The following CASK variants were observed in gnomAD, a reference collection of about 807,000 sequenced individuals.
CASK encodes peripheral plasma membrane protein CASK.
Under a neutral mutation model 82.9 loss-of-function variants are expected in CASK, and 4 were observed. That is an observed-to-expected ratio of 0.05 (90% CI 0.02 to 0.11). The LOEUF is 0.11. CASK is among the 10% of genes least tolerant of loss of function. The pLI, the probability that CASK is intolerant of heterozygous loss-of-function variation, is 1.00. For missense variants in CASK, 358 were observed against 720.9 expected (o/e 0.50, Z 5.76); for synonymous variants, 259 against 253.5 (o/e 1.02, Z -0.20).
chrX:41,642,089 G>A (rs1037893307), intron 8 of CASK, among the ~76,000 whole-genome samples: 5 of 110,796 alleles, frequency 4.5e-5, no homozygotes, highest in African/African-American at 1.6e-4. Context: ...CCTTTTTTAA[G>A]GTTGCATAGT....
intron 2 of CASK, among the ~76,000 whole-genome samples, chrX:41,792,927 T>G (rs1179737070): frequency 8.9e-6 from 1 of 111,783 alleles, no homozygotes. Context: ...CCACTCTAGA[T>G]AAGTTGACTT....
In CASK at chrX:41,917,115, C is replaced by T. The variant is rs187138962; in HGVS notation, c.59+5815G>A. 6.6e-3 allele frequency among the ~76,000 whole-genome samples: 737 copies of T among 112,252 alleles called. 3 individuals are homozygous for T. The highest frequency in any genetic ancestry group is 0.011 in the Non-Finnish European group (572 of 53,210). On this transcript the variant is annotated intron_variant, in intron 1 of 26. Coordinates refer to ENST00000378163, the MANE Select transcript of CASK (RefSeq NM_001367721.1). ...AGTATAGAAACTCTGAAAATGAAGACGTGTCTTTAAGAAAATCCAACACAG... is the reference window on the plus strand; with the variant it reads ...AGTATAGAAACTCTGAAAATGAAGATGTGTCTTTAAGAAAATCCAACACAG...
chrX:41,900,726 A>C (rs1199869603), intron 1 of CASK, among the ~76,000 whole-genome samples: 2 of 66,375 alleles, frequency 3.0e-5, no homozygotes, highest in African/African-American at 5.9e-5. Context: ...TGATTATTTG[A>C]TTATTTTGAA....
chrX:41,818,381 T>C (rs1455521022), intron 2 of CASK, among the ~76,000 whole-genome samples: 2 of 110,191 alleles, frequency 1.8e-5, no homozygotes, highest in African/African-American at 6.6e-5. Context: ...GGTGGGTGGA[T>C]TGTTTGAGCC....
At chrX:41,921,331 A>T (rs1403917508) in intron 1 of CASK, among the ~76,000 whole-genome samples, 3 of 112,091 alleles carry the variant, frequency 2.7e-5, no homozygotes, top group African/African-American at 9.7e-5. Context: ...TAAAATACAC[A>T]TTGGGATTTC....
intron 15 of CASK, among the ~76,000 whole-genome samples, chrX:41,571,751 T>C (rs1166159137): frequency 1.8e-5 from 2 of 112,144 alleles, no homozygotes; most frequent in African/African-American, 6.5e-5. Context: ...AAGTCATTGA[T>C]TTGAGATGTT....
intron 5 of CASK, among the ~76,000 whole-genome samples, chrX:41,704,861 C>T (rs1448606451): frequency 8.9e-6 from 1 of 111,954 alleles, no homozygotes; most frequent in East Asian, 2.8e-4. Flanking sequence ...ATTTCCTCTA[C>T]TAAGAAAACA....
intron 2 of CASK, among the ~76,000 whole-genome samples, chrX:41,835,179 G>A (rs1012273273): frequency 1.8e-5 from 2 of 112,296 alleles, no homozygotes; most frequent in African/African-American, 6.5e-5. Context: ...TTTTTAACTT[G>A]TGAAACACAA....
At chrX:41,866,959 CCTCA>C (rs1236097418) in intron 1 of CASK, among the ~76,000 whole-genome samples, 120 of 111,489 alleles carry the variant, frequency 1.1e-3, no homozygotes, top group African/African-American at 2.7e-3. Flanking sequence ...ACATATACAT[CCTCA>C]CTCACTCACT....
intron 10 of CASK, among the ~76,000 whole-genome samples, chrX:41,623,858 G>A (rs2066324422): frequency 9.0e-6 from 1 of 111,288 alleles, no homozygotes; most frequent in Admixed American, 9.6e-5. Context: ...ACAGGTGTGT[G>A]CTACCACGCT....
chrX:41,855,620 T>A lies in CASK; in HGVS notation c.60-2393A>T, dbSNP rs1011131161. Among the ~76,000 whole-genome samples, 8 of 111,161 alleles carry A rather than the reference T, an allele frequency of 7.2e-5. 1 individual carries two copies. The highest frequency in any genetic ancestry group is 2.6e-4 in the African/African-American group (8 of 30,596). On this transcript the variant is annotated intron_variant, in intron 1 of 26. Coordinates refer to ENST00000378163, the MANE Select transcript of CASK (RefSeq NM_001367721.1). ...TAGGGAACAGCAAAAATTCAGGAGG[T>A]ATAGGTTTCAGTCTGGCCTGTACAT...
chrX:41,709,271 T>C (rs1319645144), intron 5 of CASK, among the ~76,000 whole-genome samples: 2 of 111,988 alleles, frequency 1.8e-5, no homozygotes, highest in Admixed American at 9.5e-5. Flanking sequence ...AGTATACTCA[T>C]AGAGTCTTAA....
chrX:41,668,720 T>C lies in CASK; in HGVS notation c.532+2708A>G, dbSNP rs183769302. ...GGCTTTCTGCTTTAAAGTTGATAAA[T>C]AATTAAATGATTGACGGAATTTCTT... On this transcript the variant is annotated intron_variant, in intron 6 of 26. Coordinates refer to ENST00000378163, the MANE Select transcript of CASK (RefSeq NM_001367721.1). Among the ~76,000 whole-genome samples the C allele has an allele frequency of 1.6e-4, 18 of 111,269 alleles. No homozygotes were observed. In the East Asian group the frequency reaches 5.1e-3, roughly 31 times the overall value.
intron 21 of CASK, among the ~76,000 whole-genome samples, chrX:41,550,972 T>C (rs2065089947): frequency 8.9e-6 from 1 of 111,762 alleles, no homozygotes; most frequent in Admixed American, 9.5e-5. Flanking sequence ...AATTCCAATA[T>C]ATGCAGTAGG....
At chrX:41,563,501 T>C (rs2065262794) in intron 16 of CASK, among the ~76,000 whole-genome samples, 1 of 99,439 alleles carries the variant, frequency 1.0e-5, no homozygotes, top group Non-Finnish European at 2.0e-5. Flanking sequence ...AATAAACATA[T>C]AATGAAGAGA....
At chrX:41,656,343 C>T (rs1235546186) in intron 8 of CASK, among the ~76,000 whole-genome samples, 1 of 111,973 alleles carries the variant, frequency 8.9e-6, no homozygotes, top group Admixed American at 9.4e-5. Flanking sequence ...TGGGAGGCCA[C>T]AGATGGGTTT....
chrX:41,517,770 T>TAGC lies in CASK; in HGVS notation c.*2647_*2649dup, dbSNP rs760277976. 37,276 of 700,025 alleles carry TAGC rather than the reference T, an allele frequency of 0.053. 1,102 individuals are homozygous for TAGC. The highest frequency in any genetic ancestry group is 0.18 in the African/African-American group (7,542 of 42,621). 57.7% of individuals were successfully genotyped at this position (700,025 alleles called of 1,213,427 possible). A position where few individuals can be genotyped will look rare whatever the true frequency, so the allele number is the denominator to read the frequency against. ...TTAGTGGACAATTGTAATGTAGCAG[T>TAGC]AGCAGCAGCAGCAGCAGCAGCAGCA... On this transcript the variant is annotated 3_prime_UTR_variant, in exon 27 of 27. Coordinates refer to ENST00000378163, the MANE Select transcript of CASK (RefSeq NM_001367721.1).
intron 5 of CASK, among the ~76,000 whole-genome samples, chrX:41,706,754 C>A (rs376732170): frequency 9.0e-6 from 1 of 111,429 alleles, no homozygotes; most frequent in African/African-American, 3.3e-5. Flanking sequence ...TGGGCTCAAG[C>A]GATTTTCCTG....
intron 2 of CASK, among the ~76,000 whole-genome samples, chrX:41,799,803 T>TC (rs914623248): frequency 5.7e-4 from 58 of 101,173 alleles, no homozygotes; most frequent in African/African-American, 2.0e-3. Flanking sequence ...ACTGCACCTG[T>TC]CCCCCCACAG....
Sources: gnomAD v4.1 joint callset for allele counts (sites outside exome capture counted in the v4.1 genomes callset) on GRCh38, gnomAD v4.1.1 for gene constraint, MANE v1.5 for transcripts, NCBI Gene and HGNC (gene_info 2026-07-23, HGNC 2026-07-21) for gene names.